GRID2: variants seen among roughly 807,000 people sequenced by gnomAD.
The protein encoded by GRID2 is glutamate receptor ionotropic, delta-2.
A neutral mutation model predicts 114.8 loss-of-function variants in GRID2; 33 were observed. The observed-to-expected ratio is 0.29, with a 90% CI of 0.22 to 0.38. The LOEUF (loss-of-function observed/expected upper bound fraction) is 0.38, where lower values mean the gene tolerates loss of function less well. Among genes scored for constraint, GRID2 ranks in the 10% least tolerant of loss-of-function variants. The pLI is 1.00. For missense variants in GRID2, 1,184 were observed against 1,257.7 expected (o/e 0.94, Z 0.89); for synonymous variants, 505 against 449.9 (o/e 1.12, Z -1.55).
chr4:92,642,848 A>G (rs764476229), intron 2 of GRID2, among the ~76,000 whole-genome samples: 1 of 151,762 alleles, frequency 6.6e-6, no homozygotes, highest in African/African-American at 2.4e-5. Flanking sequence ...GGTAAAATTT[A>G]AGGGTCCACT....
intron 13 of GRID2, among the ~76,000 whole-genome samples, chr4:93,593,362 T>C (rs1465705320): frequency 7.2e-6 from 1 of 138,124 alleles, no homozygotes; most frequent in African/African-American, 2.7e-5. Flanking sequence ...TTCTTTTCTT[T>C]AAGAATGTTG....
intron 3 of GRID2, among the ~76,000 whole-genome samples, chr4:93,097,295 A>G (rs1043887762): frequency 2.0e-5 from 3 of 151,954 alleles, no homozygotes; most frequent in African/African-American, 7.2e-5. Flanking sequence ...AAAAATTACA[A>G]TATAGAACAA....
At chr4:92,813,386 G>A (rs1318361838) in intron 2 of GRID2, among the ~76,000 whole-genome samples, 10 of 152,182 alleles carry the variant, frequency 6.6e-5, no homozygotes, top group South Asian at 4.1e-4. Flanking sequence ...CTATACAGGC[G>A]CTTAATTTCA....
intron 1 of GRID2, among the ~76,000 whole-genome samples, chr4:92,420,178 A>G (rs1039431491): frequency 1.3e-5 from 2 of 152,238 alleles, no homozygotes; most frequent in African/African-American, 4.8e-5. Flanking sequence ...ACTCTTGTCA[A>G]TTCTTTGCTA....
intron 14 of GRID2, among the ~76,000 whole-genome samples, chr4:93,701,065 T>C (rs920306792): frequency 3.9e-5 from 6 of 152,122 alleles, no homozygotes; most frequent in Non-Finnish European, 7.4e-5. Flanking sequence ...CATTCAGATA[T>C]AGACTTATCC....
At chr4:92,783,609 G>A (rs915152158) in intron 2 of GRID2, among the ~76,000 whole-genome samples, 7 of 152,030 alleles carry the variant, frequency 4.6e-5, no homozygotes, top group South Asian at 2.1e-4. Flanking sequence ...AAAGGCCAGA[G>A]TTGGTGGCTT....
chr4:93,150,796 T>A (rs761108851), intron 4 of GRID2, among the ~76,000 whole-genome samples: 1 of 151,982 alleles, frequency 6.6e-6, no homozygotes, highest in Non-Finnish European at 1.5e-5. Flanking sequence ...GTCTAGGGCA[T>A]GTAGAAACTC....
At chr4:92,388,274 A>G (rs1158390956) in intron 1 of GRID2, among the ~76,000 whole-genome samples, 1 of 152,046 alleles carries the variant, frequency 6.6e-6, no homozygotes, top group Admixed American at 6.6e-5. Context: ...AAAAATCAGA[A>G]AAAAGCTTTG....
intron 4 of GRID2, among the ~76,000 whole-genome samples, chr4:93,152,302 G>A (rs1365975088): frequency 2.0e-5 from 3 of 152,018 alleles, no homozygotes; most frequent in African/African-American, 7.2e-5. Flanking sequence ...TTGTGAACTA[G>A]AAAGTAAACA....
chr4:93,262,283 G>A (rs1253281633), intron 8 of GRID2, among the ~76,000 whole-genome samples: 2 of 152,006 alleles, frequency 1.3e-5, no homozygotes, highest in South Asian at 4.1e-4. Context: ...TTCTAAAGCA[G>A]TGCCTCACAT....
intron 2 of GRID2, among the ~76,000 whole-genome samples, chr4:92,827,145 T>G (rs1350577194): frequency 1.3e-5 from 2 of 152,024 alleles, no homozygotes; most frequent in Non-Finnish European, 2.9e-5. Context: ...AAGAATCCAC[T>G]TATCCTCTAT....
intron 14 of GRID2, among the ~76,000 whole-genome samples, chr4:93,715,171 C>T (rs889308521): frequency 1.3e-5 from 2 of 152,144 alleles, no homozygotes; most frequent in Non-Finnish European, 2.9e-5. Flanking sequence ...CTTCCAGCAG[C>T]ATTTATTAAA....
At chr4:92,927,645 T>C (rs192041036) in intron 2 of GRID2, among the ~76,000 whole-genome samples, 125 of 151,922 alleles carry the variant, frequency 8.2e-4, no homozygotes, top group African/African-American at 2.9e-3. Flanking sequence ...TCTTCAGTGT[T>C]TTTTGCTATA....
At chr4:93,802,381 TGTGTGTGTGTGTGA>T (rs1164274153) in intron 1 of GRID2, among the ~76,000 whole-genome samples, 4 of 150,944 alleles carry the variant, frequency 2.6e-5, no homozygotes, top group Non-Finnish European at 4.4e-5. Flanking sequence ...TGAGAGTGAG[TGTGTGTGTGTGTGA>T]GTGTGTGTGT....
intron 4 of GRID2, among the ~76,000 whole-genome samples, chr4:93,168,613 A>G (rs549366250): frequency 6.6e-6 from 1 of 152,258 alleles, no homozygotes; most frequent in Admixed American, 6.5e-5. Flanking sequence ...AACATGGGCA[A>G]TTGGAGTTGA....
intron 13 of GRID2, among the ~76,000 whole-genome samples, chr4:93,585,286 G>A (rs144655179): frequency 9.9e-5 from 15 of 152,156 alleles, no homozygotes; most frequent in East Asian, 9.7e-4. Context: ...TTCATTGAAA[G>A]CTCCGTTTTT....
chr4:92,447,693 A>G (rs62312221), intron 1 of GRID2, among the ~76,000 whole-genome samples: 21,553 of 152,226 alleles, frequency 0.14, 1,847 homozygotes, highest in South Asian at 0.21. Context: ...GCAGATTCCA[A>G]ATCTGGTGAG....
At chr4:92,944,198 G>C (rs1751417866) in intron 2 of GRID2, among the ~76,000 whole-genome samples, 1 of 152,194 alleles carries the variant, frequency 6.6e-6, no homozygotes, top group Non-Finnish European at 1.5e-5. Context: ...TACAGAGGCA[G>C]GCAGGCCTCC....
intron 2 of GRID2, among the ~76,000 whole-genome samples, chr4:92,820,692 G>T (rs11947493): frequency 0.04 from 6,135 of 152,118 alleles, 185 homozygotes; most frequent in East Asian, 0.12. Flanking sequence ...AACTTCTTCA[G>T]TTCTATTTAG....
Sources: gnomAD v4.1 joint callset for allele counts (sites outside exome capture counted in the v4.1 genomes callset) on GRCh38, gnomAD v4.1.1 for gene constraint, MANE v1.5 for transcripts, NCBI Gene and HGNC (gene_info 2026-07-23, HGNC 2026-07-21) for gene names.